TRPC4: variants seen among roughly 807,000 people sequenced by gnomAD.
TRPC4 encodes transient receptor potential cation channel subfamily C member 4.
Under a neutral mutation model 99.4 loss-of-function variants are expected in TRPC4, and 49 were observed. The ratio of observed to expected loss-of-function variants is 0.49; its 90% CI spans 0.39 to 0.63. The LOEUF is 0.63. TRPC4 is among the 20% of genes least tolerant of loss of function. TRPC4 has a pLI of 0.00. For synonymous variants in TRPC4, 454 were observed against 425.9 expected, an observed-to-expected ratio of 1.07 and a Z score of -0.81; for missense variants, 898 against 1,152.9, an observed-to-expected ratio of 0.78 and a Z score of 3.20.
chr13:37,637,348 C>T lies in TRPC4; in HGVS notation c.2489G>A (p.Arg830Lys). Residue 830 changes from arginine to lysine, a missense_variant, in exon 11 of 11, where the codon AGG becomes AAG. Arg to Lys is a conservative substitution (Grantham distance 26, BLOSUM62 2). Coordinates refer to ENST00000379705, the MANE Select transcript of TRPC4 (RefSeq NM_016179.4). The part of the protein sequence containing the change: ...GSALVVQEPP[R>K]EKQRKVNFVT... ...AAAATTCACTTTTCTCTGCTTCTCC[C>T]TGGGCGGCTCCTGAACCACCAGGGC... 6.2e-7 allele frequency: 1 copy of T among 1,613,708 alleles called. No individual in the cohort carries two copies. Among genetic ancestry groups the T allele is most frequent in the Non-Finnish European group, 8.5e-7 (1 of 1,179,868 alleles).
chr13:37,865,483 T>A (rs2139737362), intron 1 of TRPC4, among the ~76,000 whole-genome samples: 1 of 151,752 alleles, frequency 6.6e-6, no homozygotes, highest in East Asian at 1.9e-4. Context: ...GATTTATATT[T>A]AAGAATAAGA....
intron 2 of TRPC4, among the ~76,000 whole-genome samples, chr13:37,755,169 A>C (rs892791261): frequency 6.6e-6 from 1 of 152,094 alleles, no homozygotes; most frequent in Non-Finnish European, 1.5e-5. Context: ...GTTTTTATAA[A>C]ATAGTTATAT....
intron 5 of TRPC4, among the ~76,000 whole-genome samples, chr13:37,666,214 C>A (rs898729401): frequency 1.3e-5 from 2 of 152,088 alleles, no homozygotes; most frequent in African/African-American, 2.4e-5. Context: ...TTTTCTTCTC[C>A]AGGGGAAAGA....
intron 1 of TRPC4, among the ~76,000 whole-genome samples, chr13:37,821,190 CCA>C (rs3086254): frequency 0.17 from 23,416 of 135,776 alleles, 1,961 homozygotes; most frequent in Non-Finnish European, 0.2. Flanking sequence ...TTCACAATAG[CCA>C]CACACACACA....
At chr13:37,727,794 CTT>C (rs1435079360) in intron 3 of TRPC4, among the ~76,000 whole-genome samples, 1 of 151,922 alleles carries the variant, frequency 6.6e-6, no homozygotes, top group Non-Finnish European at 1.5e-5. Flanking sequence ...GATTGGATAA[CTT>C]AAATAAAATG....
At chr13:37,708,689 T>C (rs996818645) in intron 3 of TRPC4, among the ~76,000 whole-genome samples, 16 of 148,754 alleles carry the variant, frequency 1.1e-4, no homozygotes, top group African/African-American at 3.9e-4. Context: ...ACACATATTC[T>C]TAAATTATAT....
At chr13:37,666,365 T>C (rs1033128235) in intron 5 of TRPC4, among the ~76,000 whole-genome samples, 2 of 152,162 alleles carry the variant, frequency 1.3e-5, no homozygotes, top group African/African-American at 4.8e-5. Context: ...GGGGAACCAG[T>C]GCTAAGTTTG....
intron 8 of TRPC4, among the ~76,000 whole-genome samples, chr13:37,641,214 T>A (rs1209020443): frequency 6.6e-6 from 1 of 152,168 alleles, no homozygotes; most frequent in African/African-American, 2.4e-5. Context: ...GACTACATTT[T>A]AAATGGTAAT....
intron 6 of TRPC4, among the ~76,000 whole-genome samples, chr13:37,658,453 C>T (rs1474664120): frequency 3.3e-5 from 5 of 152,080 alleles, no homozygotes; most frequent in Admixed American, 3.3e-4. Flanking sequence ...TGAAATTTTC[C>T]TCTATCCCAT....
At chr13:37,669,586 T>C (rs577284759) in intron 5 of TRPC4, among the ~76,000 whole-genome samples, 1 of 152,322 alleles carries the variant, frequency 6.6e-6, no homozygotes, top group East Asian at 1.9e-4. Flanking sequence ...ATTATAATAC[T>C]GTTGCATTGT....
chr13:37,804,126 C>T (rs1251299865), intron 1 of TRPC4, among the ~76,000 whole-genome samples: 1 of 151,956 alleles, frequency 6.6e-6, no homozygotes, highest in Non-Finnish European at 1.5e-5. Context: ...ACAGTAGGCA[C>T]AATATTGGAG....
chr13:37,744,084 A>T (rs367799835), intron 3 of TRPC4, among the ~76,000 whole-genome samples: 24 of 152,274 alleles, frequency 1.6e-4, no homozygotes, highest in African/African-American at 5.8e-4. Context: ...CAACATTTGT[A>T]GGATAATATT....
intron 1 of TRPC4, among the ~76,000 whole-genome samples, chr13:37,827,556 TG>T (rs1054210554): frequency 5.9e-5 from 9 of 152,112 alleles, no homozygotes; most frequent in African/African-American, 1.9e-4. Context: ...GTGCCCCTGC[TG>T]GGGGGTGCCT....
intron 3 of TRPC4, among the ~76,000 whole-genome samples, chr13:37,727,048 AAT>A (rs1277746918): frequency 6.6e-6 from 1 of 152,082 alleles, no homozygotes; most frequent in African/African-American, 2.4e-5. Context: ...TAAGTAATGA[AAT>A]AGAGGACCTG....
At chr13:37,740,731 T>C (rs1955560719) in intron 3 of TRPC4, among the ~76,000 whole-genome samples, 1 of 152,134 alleles carries the variant, frequency 6.6e-6, no homozygotes, top group Non-Finnish European at 1.5e-5. Flanking sequence ...TTGAAATAAA[T>C]CAAGAAACAG....
chr13:37,697,820 T>C (rs1288168025), intron 3 of TRPC4, among the ~76,000 whole-genome samples: 2 of 152,216 alleles, frequency 1.3e-5, no homozygotes, highest in African/African-American at 4.8e-5. Flanking sequence ...ATTTGATGTC[T>C]AACGAAATTA....
chr13:37,651,222 C>A lies in TRPC4; in HGVS notation c.2079+43G>T, dbSNP rs371496520. 20 of 1,605,020 alleles carry A rather than the reference C, an allele frequency of 1.2e-5. No homozygotes were observed. In the African/African-American group the frequency reaches 2.7e-4, roughly 22 times the overall value. On this transcript the variant is annotated intron_variant, in intron 8 of 10. Coordinates refer to ENST00000379705, the MANE Select transcript of TRPC4 (RefSeq NM_016179.4). The stretch of plus-strand genomic sequence containing the variant: ...TAAAGAATACAAATATATTCAAATA[C>A]ACAATTTAAAAAAAGAGTAATACTA...
At chr13:37,786,144 T>C (rs1026322931) in intron 1 of TRPC4, among the ~76,000 whole-genome samples, 8 of 152,100 alleles carry the variant, frequency 5.3e-5, no homozygotes, top group African/African-American at 1.9e-4. Flanking sequence ...TATGACCTCT[T>C]TCAATCTCTT....
intron 3 of TRPC4, among the ~76,000 whole-genome samples, chr13:37,715,278 T>A (rs1379664426): frequency 6.6e-6 from 1 of 152,172 alleles, no homozygotes; most frequent in African/African-American, 2.4e-5. Flanking sequence ...GATATGCATA[T>A]CTCTATGTCA....
Sources: gnomAD v4.1 joint callset for allele counts (sites outside exome capture counted in the v4.1 genomes callset) on GRCh38, gnomAD v4.1.1 for gene constraint, MANE v1.5 for transcripts, NCBI Gene and HGNC (gene_info 2026-07-23, HGNC 2026-07-21) for gene names.